Variants in APPBP2 observed in about 807,000 individuals in gnomAD.
The protein encoded by APPBP2 is amyloid protein-binding protein 2.
A neutral mutation model predicts 76.0 loss-of-function variants in APPBP2; 15 were observed. That is an observed-to-expected ratio of 0.20 (90% CI 0.13 to 0.30). APPBP2 has a LOEUF of 0.30. Among genes scored for constraint, APPBP2 ranks in the 10% least tolerant of loss-of-function variants. APPBP2 has a pLI of 1.00. For missense variants in APPBP2, 401 were observed against 687.2 expected (o/e 0.58, Z 4.66); for synonymous variants, 222 against 242.2 (o/e 0.92, Z 0.77).
intron 12 of APPBP2, among the ~76,000 whole-genome samples, chr17:60,449,460 G>A (rs774145513): frequency 6.6e-6 from 1 of 152,152 alleles, no homozygotes; most frequent in African/African-American, 2.4e-5. Flanking sequence ...TCCAGGTGTG[G>A]TGGTGTGCAT....
At chr17:60,522,099 T>C (rs919791772) in intron 1 of APPBP2, among the ~76,000 whole-genome samples, 2 of 152,180 alleles carry the variant, frequency 1.3e-5, no homozygotes, top group Non-Finnish European at 2.9e-5. Context: ...TCAGAACATA[T>C]CCCCGTCATT....
At chr17:60,490,649 A>G (rs1006211813) in intron 3 of APPBP2, among the ~76,000 whole-genome samples, 1 of 152,166 alleles carries the variant, frequency 6.6e-6, no homozygotes, top group African/African-American at 2.4e-5. Context: ...CTGTGTCCCC[A>G]CACAAATCTC....
chr17:60,515,450 A>G (rs2090954948), intron 1 of APPBP2, among the ~76,000 whole-genome samples: 2 of 152,292 alleles, frequency 1.3e-5, no homozygotes, highest in South Asian at 4.1e-4. Context: ...TATAACATGC[A>G]TACAGAAGAG....
At chr17:60,491,852 G>GC in intron 3 of APPBP2, among the ~76,000 whole-genome samples, 1 of 152,318 alleles carries the variant, frequency 6.6e-6, no homozygotes, top group African/African-American at 2.4e-5. Context: ...CTGCAAGCTG[G>GC]CAGCAGAAAT....
At position 60,479,171 on chromosome 17, in the gene APPBP2, A is replaced by G. The variant is rs1469829070; in HGVS notation, c.480T>C (p.Phe160=). The stretch of plus-strand genomic sequence containing the variant: ...ACCTCACACAACATTCTACTGCACG[A>G]AACCAATGAAGCATCTCATCGTGTA... ...CTLHDEMLHW[F]RAVECCVRLL... is the part of the protein sequence containing the mutation. The change falls in exon 4 of 13, where the codon TTT becomes TTC. Residue 160 remains phenylalanine, a synonymous_variant. Transcript: ENST00000083182. 1 of 1,613,476 alleles carries G rather than the reference A, an allele frequency of 6.2e-7. No individual in the cohort carries two copies. The highest frequency in any genetic ancestry group is 8.5e-7 in the Non-Finnish European group (1 of 1,179,774).
chr17:60,454,990 A>C (rs971141225), intron 10 of APPBP2, among the ~76,000 whole-genome samples: 3 of 152,206 alleles, frequency 2.0e-5, no homozygotes, highest in Non-Finnish European at 4.4e-5. Context: ...AGCTCCATTC[A>C]AGACTTTCAA....
At chr17:60,517,318 A>G (rs947705253) in intron 1 of APPBP2, among the ~76,000 whole-genome samples, 3 of 152,172 alleles carry the variant, frequency 2.0e-5, no homozygotes, top group Non-Finnish European at 4.4e-5. Flanking sequence ...TAGGTGTACA[A>G]TGAGTCCTTT....
At chr17:60,520,348 A>G (rs1257067194) in intron 1 of APPBP2, among the ~76,000 whole-genome samples, 1 of 152,138 alleles carries the variant, frequency 6.6e-6, no homozygotes, top group Non-Finnish European at 1.5e-5. Context: ...CGAGGCAGGC[A>G]GATCACCTGA....
In APPBP2 at chr17:60,505,829, G is replaced by A. The variant is rs373213065; in HGVS notation, c.139-5342C>T. On this transcript the variant is annotated intron_variant, in intron 1 of 12. Transcript: ENST00000083182. ...CTCTTGAGTAGCTGGGATTACAGGC[G>A]CCCGCCACCATGCCCAGCTAATTTC... Among the ~76,000 whole-genome samples, 15 of 151,348 alleles carry A rather than the reference G, an allele frequency of 9.9e-5. No individual in the cohort carries two copies. The East Asian group carries it at 2.0e-3, about 20-fold the overall frequency.
chr17:60,522,362 G>T (rs1473013734), intron 1 of APPBP2, among the ~76,000 whole-genome samples: 1 of 152,012 alleles, frequency 6.6e-6, no homozygotes, highest in Non-Finnish European at 1.5e-5. Flanking sequence ...TCCCTCTGTT[G>T]CCCAGGCTGG....
chr17:60,525,992 C>A lies in APPBP2; in HGVS notation c.-61G>T. The A allele has an allele frequency of 1.3e-6, 2 of 1,490,788 alleles. No individual in the cohort carries two copies. Among genetic ancestry groups the A allele is most frequent in the Non-Finnish European group, 1.8e-6 (2 of 1,101,734 alleles). 92.3% of individuals were successfully genotyped at this position (1,490,788 alleles called of 1,614,324 possible). Reference sequence around the variant, plus strand: ...CCTCCCGAAGGCCCCCACCTCCCTCCGTAGCGAACCCCTCTGCGGCCCCGG... The same window carrying A: ...CCTCCCGAAGGCCCCCACCTCCCTCAGTAGCGAACCCCTCTGCGGCCCCGG... On this transcript the variant is annotated 5_prime_UTR_variant, in exon 1 of 13. Coordinates refer to ENST00000083182, the MANE Select transcript of APPBP2 (RefSeq NM_006380.5).
chr17:60,505,840 T>C (rs1202106127), intron 1 of APPBP2, among the ~76,000 whole-genome samples: 2 of 151,662 alleles, frequency 1.3e-5, no homozygotes, highest in Non-Finnish European at 2.9e-5. Context: ...CCCGCCACCA[T>C]GCCCAGCTAA....
In APPBP2 at chr17:60,447,612, A is replaced by C; in HGVS notation, c.1727T>G (p.Ile576Ser). The C allele has an allele frequency of 6.2e-7, 1 of 1,613,664 alleles. No individual in the cohort carries two copies. The highest frequency in any genetic ancestry group is 8.5e-7 in the Non-Finnish European group (1 of 1,179,782). ...GCTCGGTCCCTCGACATTCTGAGAAATCAGGAAGGACTGCACCACTTCTTC... is the reference window on the plus strand; with the variant it reads ...GCTCGGTCCCTCGACATTCTGAGAACTCAGGAAGGACTGCACCACTTCTTC... ...STEEVVQSFL[I>S]SQNVEGPSC Residue 576 changes from isoleucine to serine, a missense_variant, in exon 13 of 13, where the codon ATT becomes AGT. This residue lies in a region of APPBP2 where 56 missense variants were observed against 76.5 expected (regional missense o/e 0.73). Coordinates refer to ENST00000083182, the MANE Select transcript of APPBP2 (RefSeq NM_006380.5).
At chr17:60,472,547 CTT>C (rs755030695) in intron 4 of APPBP2, among the ~76,000 whole-genome samples, 3 of 152,138 alleles carry the variant, frequency 2.0e-5, no homozygotes, top group Non-Finnish European at 4.4e-5. Context: ...AGTCTTCTGT[CTT>C]TTTCTTTGTT....
chr17:60,462,601 C>A (rs1317530017), intron 6 of APPBP2: 2 of 152,252 alleles, frequency 1.3e-5, no homozygotes, highest in Admixed American at 1.3e-4. Flanking sequence ...TTATTTTGAT[C>A]CATGATTATA....
chr17:60,450,331 C>T (rs9897855), intron 12 of APPBP2, among the ~76,000 whole-genome samples: 11,824 of 150,810 alleles, frequency 0.078, 1,565 homozygotes, highest in African/African-American at 0.27. Context: ...CCAGGTACTC[C>T]GGAGGCTGAG....
At chr17:60,482,918 T>C (rs774668047) in intron 3 of APPBP2, among the ~76,000 whole-genome samples, 2 of 152,244 alleles carry the variant, frequency 1.3e-5, no homozygotes, top group Non-Finnish European at 2.9e-5. Flanking sequence ...TATAGTAGCA[T>C]GATTTATAAT....
At chr17:60,512,832 TAAAAA>T (rs770075935) in intron 1 of APPBP2, among the ~76,000 whole-genome samples, 7 of 29,914 alleles carry the variant, frequency 2.3e-4, no homozygotes, top group East Asian at 9.9e-4. Context: ...AGACTCCATC[TAAAAA>T]AAAAAAAAAA....
intron 3 of APPBP2, among the ~76,000 whole-genome samples, chr17:60,480,587 T>C (rs1598357489): frequency 6.6e-6 from 1 of 152,166 alleles, no homozygotes; most frequent in Non-Finnish European, 1.5e-5. Flanking sequence ...TGGAGAGAAC[T>C]GTGCTTTAAA....
Sources: allele counts gnomAD v4.1 joint callset (sites outside exome capture counted in the v4.1 genomes callset), GRCh38; gene constraint gnomAD v4.1.1; regional missense constraint gnomAD v4.1.1; transcripts MANE v1.5; gene names NCBI Gene and HGNC (gene_info 2026-07-23, HGNC 2026-07-21).